Variants in GCN1 observed in about 807,000 individuals in gnomAD.
GCN1 encodes the protein stalled ribosome sensor GCN1.
A neutral mutation model predicts 288.4 loss-of-function variants in GCN1; 90 were observed. That is an observed-to-expected ratio of 0.31 (90% CI 0.26 to 0.37). GCN1 has a LOEUF of 0.37. GCN1 is among the 10% of genes least tolerant of loss of function. The probability of loss-of-function intolerance (pLI) is 1.00; values close to 1 mark genes in which losing one functional copy is unlikely to be tolerated. For missense variants in GCN1, 2,586 were observed against 3,419.9 expected (o/e 0.76, Z 6.08); for synonymous variants, 1,386 against 1,420.2 (o/e 0.98, Z 0.54).
chr12:120,181,301 A>G (rs1957257073), intron 5 of GCN1, among the ~76,000 whole-genome samples: 1 of 151,390 alleles, frequency 6.6e-6, no homozygotes, highest in South Asian at 2.1e-4. Flanking sequence ...CCCCATCTCT[A>G]AAAAAATACA....
chr12:120,154,854 T>G, intron 31 of GCN1, 116 bp downstream of exon 31: 1 of 1,232,302 alleles, frequency 8.1e-7, no homozygotes, highest in Non-Finnish European at 1.2e-6. Context: ...CCTCCCCGAC[T>G]CTGAGGGAGG....
Position 120,164,392 on chromosome 12 carries a change from A to G in GCN1, c.1792T>C (p.Phe598Leu). ...VRKLLSSLGG[F>L]KLAHGLLEEL... ...TCCAAGAGTCCGTGCGCCAGCTTAA[A>G]GCCCCCAAGAGAGGACAGCAGCTTC... Residue 598 changes from phenylalanine (F) to leucine (L), a missense_variant, in exon 18 of 58, where the codon TTT becomes CTT. This residue lies in a region of GCN1 where 913 missense variants were observed against 1,107.0 expected (regional missense o/e 0.82). Transcript: ENST00000300648. 2 of 1,614,164 alleles carry G rather than the reference A, an allele frequency of 1.2e-6. No homozygotes were observed. Among genetic ancestry groups the G allele is most frequent in the Non-Finnish European group, 1.7e-6 (2 of 1,180,022 alleles).
intron 2 of GCN1, among the ~76,000 whole-genome samples, chr12:120,188,635 G>A (rs1035397894): frequency 1.3e-5 from 2 of 152,012 alleles, no homozygotes; most frequent in African/African-American, 4.8e-5. Flanking sequence ...GGATCACAAG[G>A]TCAGGAGATC....
Position 120,153,843 on chromosome 12 carries a change from G to A in GCN1, c.3768C>T (p.Leu1256=). ...GGGCATCAGGGACAAAAAACTGAAA[G>A]AGTGGCTTCACCTGAGAGCTGTCCA... The part of the protein sequence containing the change: ...QYLDSSQVKP[L]FQFFVPDALN... The change falls in exon 32 of 58, where the codon CTC becomes CTT. Residue 1256 remains leucine (L), a synonymous_variant. Coordinates refer to ENST00000300648, the MANE Select transcript of GCN1 (RefSeq NM_006836.2). The surrounding 1 kb of genome is among the most constrained non-coding windows in gnomAD (Gnocchi z 4.4). 1 of 1,614,076 alleles carries A rather than the reference G, an allele frequency of 6.2e-7. No homozygotes were observed. Among genetic ancestry groups the A allele is most frequent in the South Asian group, 1.1e-5 (1 of 91,084 alleles).
chr12:120,176,902 G>T (rs1392562407), intron 9 of GCN1, among the ~76,000 whole-genome samples: 1 of 152,126 alleles, frequency 6.6e-6, no homozygotes, highest in African/African-American at 2.4e-5. Flanking sequence ...GAGTAGCTAG[G>T]ACTACAGGCA....
chr12:120,185,739 T>C (rs1226528484), intron 2 of GCN1, among the ~76,000 whole-genome samples: 8 of 152,234 alleles, frequency 5.3e-5, no homozygotes. Flanking sequence ...TAGCTGAGAC[T>C]AAAGGTGCGC....
At chr12:120,178,497 C>A (rs1455126748) in intron 7 of GCN1, 128 bp downstream of exon 7, 8 of 911,782 alleles carry the variant, frequency 8.8e-6, no homozygotes, top group East Asian at 2.4e-5. Flanking sequence ...CATGAGAAAA[C>A]CAACAAGTTT....
chr12:120,161,908 C>A lies in GCN1; in HGVS notation c.2314G>T (p.Glu772Ter). The A allele has an allele frequency of 6.2e-7, 1 of 1,614,096 alleles. No homozygotes were observed. The highest frequency in any genetic ancestry group is 8.5e-7 in the Non-Finnish European group (1 of 1,180,004). Residue 772 changes from glutamate (E) to a stop codon, truncating the protein, a stop_gained, in exon 21 of 58, where the codon GAG becomes TAG. Transcript: ENST00000300648. LOFTEE classifies it high-confidence loss of function. Reference protein sequence around the residue: ...EFAIMQTPAGELYDKSIIQSA... With the variant: ...EFAIMQTPAG ...TGAATGATGGATTTGTCATACAGCT[C>A]CCCAGCAGGGGTCTGCATAATGGCA...
intron 54 of GCN1, among the ~76,000 whole-genome samples, chr12:120,131,705 T>C (rs1876830907): frequency 6.6e-6 from 1 of 152,172 alleles, no homozygotes; most frequent in Non-Finnish European, 1.5e-5. Context: ...CCTTCAACTC[T>C]TGGGCTCAAC....
At chr12:120,145,115 G>A in intron 39 of GCN1, 54 bp from the exon 40 acceptor site, 1 of 1,608,842 alleles carries the variant, frequency 6.2e-7, no homozygotes, top group Non-Finnish European at 8.5e-7. Flanking sequence ...TCAAAACAAG[G>A]TAGCCACATG....
chr12:120,142,437 G>T lies in GCN1; in HGVS notation c.5829+70C>A. ...GATGGGTACTTTCCCAGGCTCTGCA[G>T]ACCCAGCCTTCTAGGCTCTGAAAGG... On this transcript the variant is annotated intron_variant, in intron 44 of 57. Transcript: ENST00000300648. This position sits in a 1 kb window ranked among gnomAD's most constrained non-coding sequence, Gnocchi z 4.9. The T allele has an allele frequency of 1.7e-6, 2 of 1,149,480 alleles. No individual in the cohort carries two copies. Among genetic ancestry groups the T allele is most frequent in the South Asian group, 1.3e-5 (1 of 79,854 alleles). The allele number at this position is 1,149,480 out of a possible 1,614,324, so 71.2% of individuals were successfully genotyped here. A position where few individuals can be genotyped will look rare whatever the true frequency, so the allele number is the denominator to read the frequency against.
At position 120,160,288 on chromosome 12, in the gene GCN1, C is replaced by T. The variant is rs747979920; in HGVS notation, c.2437-33G>A. 14 of 1,440,858 alleles carry T rather than the reference C, an allele frequency of 9.7e-6. No homozygotes were observed. The South Asian group carries it at 1.3e-4, about 13-fold the overall frequency. 89.3% of individuals were successfully genotyped at this position (1,440,858 alleles called of 1,614,324 possible). On this transcript the variant is annotated intron_variant, in intron 22 of 57. Transcript: ENST00000300648. ...GGATGGGCAAACCAACCAATCCCATCTCCAGGGAACAGACCTCCCTCCCCA... is the reference window on the plus strand; with the variant it reads ...GGATGGGCAAACCAACCAATCCCATTTCCAGGGAACAGACCTCCCTCCCCA...
rs1878746543 is a variant in GCN1 at position 120,184,013 on chromosome 12, G to A, written c.317+99C>T. 34 of 1,141,982 alleles carry A rather than the reference G, an allele frequency of 3.0e-5. No homozygotes were observed. The South Asian group carries it at 4.5e-4, about 15-fold the overall frequency. The allele number at this position is 1,141,982 out of a possible 1,614,324, so 70.7% of individuals were successfully genotyped here. ...GAAAGTGGTTTTCTCCACTAAGCTT[G>A]CTATCCTGGCTCCTCCCTCTGGTGC... On this transcript the variant is annotated intron_variant, in intron 4 of 57. Coordinates refer to ENST00000300648, the MANE Select transcript of GCN1 (RefSeq NM_006836.2).
At chr12:120,132,264 G>A (rs1876851696) in intron 53 of GCN1, among the ~76,000 whole-genome samples, 1 of 152,148 alleles carries the variant, frequency 6.6e-6, no homozygotes, top group Non-Finnish European at 1.5e-5. Context: ...AAACCCCAGT[G>A]TGTATGCATA....
At chr12:120,189,467 A>G (rs543893206) in intron 2 of GCN1, among the ~76,000 whole-genome samples, 1 of 150,710 alleles carries the variant, frequency 6.6e-6, no homozygotes, top group Admixed American at 6.6e-5. Flanking sequence ...GGTTCAAGCA[A>G]TTCTCCTGCC....
chr12:120,162,034 G>A lies in GCN1; in HGVS notation c.2188C>T (p.Leu730Phe). The A allele has an allele frequency of 1.9e-6, 3 of 1,613,036 alleles. No individual in the cohort carries two copies. The highest frequency in any genetic ancestry group is 2.5e-6 in the Non-Finnish European group (3 of 1,180,016). The change falls in exon 21 of 58, where the codon CTT becomes TTT. Residue 730 changes from leucine to phenylalanine, a missense_variant. By Grantham distance (22) the Leu-to-Phe change is conservative. Transcript: ENST00000300648. Reference protein sequence around the residue: ...NQSSMNAMGSLSVLSPDRVLP... With the variant: ...NQSSMNAMGSFSVLSPDRVLP... The stretch of plus-strand genomic sequence containing the variant: ...ACCCGGTCCGGCGACAGGACGGAAA[G>A]GGAGCCCATGGCATTCATGGAGGAC...
chr12:120,193,315 T>TC (rs1448124879), intron 1 of GCN1, among the ~76,000 whole-genome samples: 2 of 152,200 alleles, frequency 1.3e-5, no homozygotes, highest in Non-Finnish European at 2.9e-5. Flanking sequence ...TAAATTTTTT[T>TC]TTTTTTTGAG....
intron 45 of GCN1, 81 bp downstream of exon 45, chr12:120,140,778 C>A (rs113755527): frequency 8.0e-6 from 11 of 1,377,174 alleles, no homozygotes; most frequent in Non-Finnish European, 1.1e-5. Flanking sequence ...TAGAGGTGAA[C>A]CTCCTTCAGT....
chr12:120,179,616 G>C (rs1244666742), intron 5 of GCN1, among the ~76,000 whole-genome samples: 1 of 151,800 alleles, frequency 6.6e-6, no homozygotes, highest in East Asian at 2.0e-4. Context: ...AGCCAGGATG[G>C]TCTCGATCTC....
Sources: gnomAD v4.1 joint callset for allele counts (sites outside exome capture counted in the v4.1 genomes callset) on GRCh38, gnomAD v4.1.1 for gene constraint, gnomAD v4.1.1 regional missense constraint, Gnocchi (gnomAD v3.1) non-coding constraint, MANE v1.5 for transcripts, NCBI Gene and HGNC (gene_info 2026-07-23, HGNC 2026-07-21) for gene names.